Variants in GLIS3 observed in about 807,000 individuals in gnomAD.
GLIS3 encodes the protein GLIS family zinc finger 3.
Under a neutral mutation model 78.6 loss-of-function variants are expected in GLIS3, and 53 were observed. The observed-to-expected ratio is 0.67, with a 90% CI of 0.54 to 0.85. The LOEUF (loss-of-function observed/expected upper bound fraction) is 0.85. Among genes scored for constraint, GLIS3 ranks in the 40% least tolerant of loss-of-function variants. The pLI is 0.00. For missense variants in GLIS3, 1,703 were observed against 1,231.1 expected, an observed-to-expected ratio of 1.38 and a Z score of -5.74; for synonymous variants, 684 against 509.9, an observed-to-expected ratio of 1.34 and a Z score of -4.60.
intron 6 of GLIS3, among the ~76,000 whole-genome samples, chr9:3,920,845 C>G (rs1294864438): frequency 6.6e-6 from 1 of 152,156 alleles, no homozygotes; most frequent in Admixed American, 6.5e-5. Flanking sequence ...GTGTGCTAGA[C>G]TAGCCCAAAG....
chr9:4,409,449 C>T, the GLIS3 span, among the ~76,000 whole-genome samples: 1 of 152,182 alleles, frequency 6.6e-6, no homozygotes, highest in East Asian at 1.9e-4. Context: ...GATCTCCAAA[C>T]ATCACCTTAC....
the GLIS3 span, among the ~76,000 whole-genome samples, chr9:4,354,074 G>A: frequency 5.3e-5 from 8 of 149,894 alleles, no homozygotes; most frequent in Non-Finnish European, 8.9e-5. Context: ...CTGACCTCGT[G>A]ATCCGCCTGC....
intron 8 of GLIS3, among the ~76,000 whole-genome samples, chr9:3,861,313 G>T (rs1356420568): frequency 2.0e-5 from 3 of 152,062 alleles, no homozygotes. Context: ...TTATTGGAGG[G>T]AATGTAAATT....
intron 2 of GLIS3, among the ~76,000 whole-genome samples, chr9:4,266,103 A>C (rs1231893473): frequency 6.6e-6 from 1 of 151,952 alleles, no homozygotes; most frequent in African/African-American, 2.4e-5. Context: ...TATTTTTAGT[A>C]GAGACAAGGT....
intron 4 of GLIS3, among the ~76,000 whole-genome samples, chr9:3,953,779 C>CA (rs1563886444): frequency 1.5e-4 from 6 of 38,842 alleles, no homozygotes; most frequent in African/African-American, 5.9e-4. Context: ...CTCTCTCTCT[C>CA]TCTCTCTCTC....
At chr9:4,104,418 C>G (rs1373701851) in intron 4 of GLIS3, among the ~76,000 whole-genome samples, 2 of 152,196 alleles carry the variant, frequency 1.3e-5, no homozygotes, top group East Asian at 3.8e-4. Flanking sequence ...ACTTCTACCA[C>G]TGGATATTAA....
chr9:4,313,499 C>T (rs910825144), intron 2 of GLIS3, among the ~76,000 whole-genome samples: 3 of 152,156 alleles, frequency 2.0e-5, no homozygotes, highest in Admixed American at 1.3e-4. Context: ...CTAACCTCCG[C>T]GTGGCTCCAT....
At chr9:4,322,163 A>G in intron 2 of GLIS3, among the ~76,000 whole-genome samples, 1 of 152,130 alleles carries the variant, frequency 6.6e-6, no homozygotes, top group Non-Finnish European at 1.5e-5. Flanking sequence ...TTTGCTCAGA[A>G]TGATGGTTTC....
the GLIS3 span, among the ~76,000 whole-genome samples, chr9:4,378,676 T>A: frequency 6.6e-6 from 1 of 152,204 alleles, no homozygotes; most frequent in African/African-American, 2.4e-5. Flanking sequence ...ATTCCTAATA[T>A]GGACTATGTA....
rs116604250 is a variant in GLIS3, at chr9:4,014,881, A to T, written c.1711-77692T>A. On this transcript the variant is annotated intron_variant, in intron 4 of 10. Transcript: ENST00000381971. The stretch of plus-strand genomic sequence containing the variant: ...GCTAGGACAATTCAACCATTCACTC[A>T]CTGGTTCTTTCATTCCTTTCGACAT... Among the ~76,000 whole-genome samples the T allele has an allele frequency of 6.0e-3, 918 of 152,312 alleles. 13 individuals carry two copies. Among genetic ancestry groups the T allele is most frequent in the East Asian group, 0.038 (198 of 5,184 alleles).
intron 4 of GLIS3, among the ~76,000 whole-genome samples, chr9:4,307,878 A>G (rs968644742): frequency 2.1e-4 from 32 of 152,146 alleles, no homozygotes; most frequent in African/African-American, 7.2e-4. Context: ...ATCTTAGACC[A>G]AGGAAACCTG....
chr9:4,084,262 C>CACAT (rs559495616), intron 4 of GLIS3, among the ~76,000 whole-genome samples: 4 of 132,318 alleles, frequency 3.0e-5, no homozygotes, highest in Non-Finnish European at 6.8e-5. Flanking sequence ...CTCTAACACA[C>CACAT]ACACACACAC....
At chr9:4,090,454 T>TA (rs1554693489) in intron 4 of GLIS3, among the ~76,000 whole-genome samples, 59 of 143,956 alleles carry the variant, frequency 4.1e-4, no homozygotes, top group African/African-American at 4.6e-4. Flanking sequence ...ACTTAAAGTT[T>TA]AAAAAAAAAA....
chr9:4,390,703 T>C, the GLIS3 span, among the ~76,000 whole-genome samples: 1 of 152,284 alleles, frequency 6.6e-6, no homozygotes, highest in African/African-American at 2.4e-5. Flanking sequence ...GAGTTGGTGG[T>C]GGCTCTTCCC....
the GLIS3 span, among the ~76,000 whole-genome samples, chr9:4,452,150 G>C: frequency 0.024 from 3,607 of 152,036 alleles, 160 homozygotes; most frequent in African/African-American, 0.081. Flanking sequence ...TCTCAATAAA[G>C]TAGGTATTGA....
intron 2 of GLIS3, among the ~76,000 whole-genome samples, chr9:4,344,084 T>A (rs578210026): frequency 2.6e-5 from 4 of 152,124 alleles, no homozygotes; most frequent in African/African-American, 9.7e-5. Flanking sequence ...AAAGAAATAT[T>A]ATAATAATAA....
chr9:4,485,564 C>A, the GLIS3 span, among the ~76,000 whole-genome samples: 1 of 152,194 alleles, frequency 6.6e-6, no homozygotes, highest in South Asian at 2.1e-4. Context: ...TGAGTAATAA[C>A]TTCCTGTCTC....
the GLIS3 span, among the ~76,000 whole-genome samples, chr9:4,400,695 G>A: frequency 3.3e-5 from 5 of 152,188 alleles, no homozygotes; most frequent in Non-Finnish European, 5.9e-5. Context: ...CTCTTTTAGA[G>A]GACTTCATCT....
At chr9:4,089,638 C>T (rs1829323610) in intron 4 of GLIS3, among the ~76,000 whole-genome samples, 1 of 152,052 alleles carries the variant, frequency 6.6e-6, no homozygotes, top group Admixed American at 6.6e-5. Context: ...CCAGCCTGGG[C>T]AAACCCCATC....
Sources: allele counts gnomAD v4.1 joint callset (sites outside exome capture counted in the v4.1 genomes callset), GRCh38; gene constraint gnomAD v4.1.1; transcripts MANE v1.5; gene names NCBI Gene and HGNC (gene_info 2026-07-23, HGNC 2026-07-21).